Variants in AKR1C3 observed in about 807,000 individuals in gnomAD.
AKR1C3 encodes the protein aldo-keto reductase family 1 member C3.
AKR1C3 carries 48 observed loss-of-function variants against 43.6 expected under a neutral mutation model. That is an observed-to-expected ratio of 1.10 (90% CI 0.87 to 1.40). The LOEUF is 1.40. Among genes scored for constraint, AKR1C3 ranks in the 40% most tolerant of loss-of-function variants. The probability of loss-of-function intolerance (pLI) is 0.00; values close to 1 mark genes in which losing one functional copy is unlikely to be tolerated. For missense variants in AKR1C3, 482 were observed against 391.2 expected, an observed-to-expected ratio of 1.23 and a Z score of -1.96; for synonymous variants, 162 against 139.6, an observed-to-expected ratio of 1.16 and a Z score of -1.13.
intron 3 of AKR1C3, chr10:5,097,895 A>C: frequency 9.1e-7 from 1 of 1,097,768 alleles, no homozygotes; most frequent in Non-Finnish European, 1.1e-6. Flanking sequence ...TGCCCAATAA[A>C]ACTGCTGCAC....
intron 5 of AKR1C3, 123 bp from the exon 6 acceptor site, chr10:5,101,976 AAT>A: frequency 1.6e-6 from 1 of 621,812 alleles, no homozygotes; most frequent in Non-Finnish European, 2.8e-6. Flanking sequence ...ATTACTTGAC[AAT>A]AATATCCTCA....
chr10:5,050,959 T>C (rs532070039), intron 1 of AKR1C3, among the ~76,000 whole-genome samples: 24 of 152,310 alleles, frequency 1.6e-4, no homozygotes, highest in East Asian at 3.9e-4. Flanking sequence ...AACTTGCCTC[T>C]TCTTCTTCAA....
chr10:5,057,443 T>G (rs1484772038), intron 1 of AKR1C3, among the ~76,000 whole-genome samples: 2 of 152,226 alleles, frequency 1.3e-5, no homozygotes, highest in African/African-American at 4.8e-5. Flanking sequence ...GGCTTGCTTT[T>G]GGAGCTTTCT....
intron 1 of AKR1C3, among the ~76,000 whole-genome samples, chr10:5,052,136 C>G (rs189725839): frequency 2.1e-4 from 32 of 152,164 alleles, no homozygotes; most frequent in Admixed American, 1.1e-3. Flanking sequence ...GGTGCATGGT[C>G]GCGTTGGCTC....
rs782097392 is a variant in AKR1C3 at position 5,098,920 on chromosome 10, AAG to A, written c.447+45_447+46del. 12 of 1,514,196 alleles carry A rather than the reference AAG, an allele frequency of 7.9e-6. No individual in the cohort carries two copies. The East Asian group carries it at 1.6e-4, about 20-fold the overall frequency. 93.8% of individuals were successfully genotyped at this position (1,514,196 alleles called of 1,614,324 possible). ...AGAGGACACAGAGAAGGATGACAAA[AAG>A]AGAAAATCTGTTTCCCAGGTTCAAT... On this transcript the variant is annotated intron_variant, in intron 4 of 8. Coordinates refer to ENST00000380554, the MANE Select transcript of AKR1C3 (RefSeq NM_003739.6).
At chr10:5,095,480 T>TG (rs1554784970) in intron 1 of AKR1C3, among the ~76,000 whole-genome samples, 1 of 146,702 alleles carries the variant, frequency 6.8e-6, no homozygotes, top group African/African-American at 2.5e-5. Context: ...TCAAAAAAGA[T>TG]TTAAAAAAAA....
At chr10:5,058,333 G>T (rs377015626) in intron 1 of AKR1C3, among the ~76,000 whole-genome samples, 311 of 152,186 alleles carry the variant, frequency 2.0e-3, no homozygotes, top group African/African-American at 7.0e-3. Flanking sequence ...AAGCTCTGCA[G>T]GATAGTATTG....
chr10:5,083,648 G>A (rs1382275658), intron 1 of AKR1C3, among the ~76,000 whole-genome samples: 1 of 152,166 alleles, frequency 6.6e-6, no homozygotes, highest in Non-Finnish European at 1.5e-5. Flanking sequence ...CTGAGCAATC[G>A]CCACACTGAC....
Position 5,107,545 on chromosome 10 carries a change from T to C in AKR1C3, c.*42T>C, listed in dbSNP as rs1839538958. On this transcript the variant is annotated 3_prime_UTR_variant, in exon 9 of 9. Coordinates refer to ENST00000380554, the MANE Select transcript of AKR1C3 (RefSeq NM_003739.6). ...TGATGTCTACCAGAAGCCCTGTGTG[T>C]GGATGGTGACGCAGAGGACGTCTCT... is the stretch of plus-strand genomic sequence containing the variant. 1 of 1,496,608 alleles carries C rather than the reference T, an allele frequency of 6.7e-7. No individual in the cohort carries two copies. The highest frequency in any genetic ancestry group is 1.1e-5 in the South Asian group (1 of 87,706). The allele number at this position is 1,496,608 out of a possible 1,614,324, so 92.7% of individuals were successfully genotyped here.
intron 1 of AKR1C3, among the ~76,000 whole-genome samples, chr10:5,088,930 G>T (rs1554783650): frequency 6.6e-6 from 1 of 151,682 alleles, no homozygotes; most frequent in Non-Finnish European, 1.5e-5. Context: ...CTTTTATGAT[G>T]GTATCATAAT....
At chr10:5,065,085 T>A (rs1360428590) in intron 1 of AKR1C3, among the ~76,000 whole-genome samples, 1 of 152,214 alleles carries the variant, frequency 6.6e-6, no homozygotes, top group African/African-American at 2.4e-5. Flanking sequence ...CCAGTCAGAA[T>A]GGCTATTACT....
At chr10:5,065,375 C>G (rs1397648980) in intron 1 of AKR1C3, among the ~76,000 whole-genome samples, 1 of 152,138 alleles carries the variant, frequency 6.6e-6, no homozygotes, top group Non-Finnish European at 1.5e-5. Flanking sequence ...CAACACCAGA[C>G]TGGATAAAGA....
intron 1 of AKR1C3, among the ~76,000 whole-genome samples, chr10:5,095,310 G>A (rs1268880299): frequency 6.6e-6 from 1 of 151,946 alleles, no homozygotes; most frequent in Non-Finnish European, 1.5e-5. Context: ...TCACTTTATC[G>A]ATAAGTTGTG....
chr10:5,072,381 GTT>G (rs1258847821), intron 1 of AKR1C3, among the ~76,000 whole-genome samples: 2 of 152,160 alleles, frequency 1.3e-5, no homozygotes, highest in Admixed American at 6.5e-5. Context: ...TAAAAGCTGA[GTT>G]TTTCCTGTTG....
At chr10:5,095,033 A>G (rs1229583599) in intron 1 of AKR1C3, among the ~76,000 whole-genome samples, 7 of 152,066 alleles carry the variant, frequency 4.6e-5, no homozygotes, top group African/African-American at 1.7e-4. Context: ...TAGAGTTTCC[A>G]CTGTACTATT....
At chr10:5,098,930 C>G (rs1362301072) in intron 4 of AKR1C3, 51 bp downstream of exon 4, 2 of 1,467,468 alleles carry the variant, frequency 1.4e-6, no homozygotes, top group South Asian at 1.2e-5. Flanking sequence ...AAGAGAAAAT[C>G]TGTTTCCCAG....
intron 1 of AKR1C3, chr10:5,081,684 G>A (rs985098843): frequency 1.4e-4 from 21 of 152,244 alleles, no homozygotes; most frequent in African/African-American, 5.1e-4. Context: ...CTTTCTAGGT[G>A]TGAATTCAAA....
intron 3 of AKR1C3, among the ~76,000 whole-genome samples, chr10:5,098,545 G>A (rs1037164633): frequency 1.3e-5 from 2 of 152,222 alleles, no homozygotes; most frequent in Non-Finnish European, 2.9e-5. Flanking sequence ...AGTGACATAA[G>A]TCAACTGTGA....
At chr10:5,064,605 GGAAGAAA>G (rs1374038924) in intron 1 of AKR1C3, among the ~76,000 whole-genome samples, 2 of 152,012 alleles carry the variant, frequency 1.3e-5, no homozygotes, top group African/African-American at 4.8e-5. Flanking sequence ...CCTAAAGAAT[GGAAGAAA>G]ATGCCCACAC....
Sources: allele counts gnomAD v4.1 joint callset (sites outside exome capture counted in the v4.1 genomes callset), GRCh38; gene constraint gnomAD v4.1.1; transcripts MANE v1.5; gene names NCBI Gene and HGNC (gene_info 2026-07-23, HGNC 2026-07-21).